RAB7A: variants seen among roughly 807,000 people sequenced by gnomAD.
RAB7A encodes the protein RAB7A, member RAS oncogene family.
Under a neutral mutation model 24.5 loss-of-function variants are expected in RAB7A, and 2 were observed. The ratio of observed to expected loss-of-function variants is 0.08; its 90% CI spans 0.03 to 0.26. RAB7A has a LOEUF of 0.26. Ranked by LOEUF, RAB7A falls within the 10% of genes least tolerant of loss-of-function variation. The pLI, the probability that RAB7A is intolerant of heterozygous loss-of-function variation, is 1.00. For missense variants in RAB7A, 118 were observed against 255.7 expected (o/e 0.46, Z 3.67); for synonymous variants, 100 against 95.9 (o/e 1.04, Z -0.25).
intron 1 of RAB7A, among the ~76,000 whole-genome samples, chr3:128,754,769 A>G (rs1357838234): frequency 6.6e-6 from 1 of 152,170 alleles, no homozygotes; most frequent in Non-Finnish European, 1.5e-5. Flanking sequence ...TATCAGACAA[A>G]ATATACTTTA....
chr3:128,768,725 A>ATTT (rs34053060), intron 1 of RAB7A, among the ~76,000 whole-genome samples: 3 of 137,268 alleles, frequency 2.2e-5, no homozygotes, highest in Non-Finnish European at 4.8e-5. Flanking sequence ...CACCTGGCTA[A>ATTT]TTTTTTTTTT....
chr3:128,795,469 T>G (rs752547155), intron 2 of RAB7A, 49 bp downstream of exon 2: 2 of 1,504,782 alleles, frequency 1.3e-6, no homozygotes, highest in South Asian at 1.1e-5. Context: ...GAGCTAAGCC[T>G]CTCTGCTGTG....
chr3:128,745,219 C>T (rs753382626), intron 1 of RAB7A, among the ~76,000 whole-genome samples: 2 of 152,074 alleles, frequency 1.3e-5, no homozygotes, highest in African/African-American at 4.8e-5. Flanking sequence ...TCAAGTACTG[C>T]GTGTCTACCT....
At chr3:128,805,116 CTTTT>C (rs1559797129) in intron 3 of RAB7A, among the ~76,000 whole-genome samples, 1 of 150,156 alleles carries the variant, frequency 6.7e-6, no homozygotes, top group Non-Finnish European at 1.5e-5. Flanking sequence ...GCCAAGTGTT[CTTTT>C]GTTTGTTTGT....
In RAB7A at chr3:128,792,817, TTTTATTTATTTATTTATTTATTTA is replaced by T. The variant is rs71618167; in HGVS notation, c.-8-2520_-8-2497del. Among the ~76,000 whole-genome samples, 327 of 137,502 alleles carry T rather than the reference TTTTATTTATTTATTTATTTATTTA, an allele frequency of 2.4e-3. 1 individual carries two copies. Among genetic ancestry groups the T allele is most frequent in the Non-Finnish European group, 3.9e-3 (247 of 63,920 alleles). 90.2% of individuals were successfully genotyped at this position (137,502 alleles called of 152,430 possible). On this transcript the variant is annotated intron_variant, in intron 1 of 5. Transcript: ENST00000265062. ...AATTACAGGCACCCACCGAGCTAAT[TTTTATTTATTTATTTATTTATTTA>T]TTTATTTATTTATTTATTTATTCAT...
At chr3:128,775,938 G>A (rs1478072837) in intron 1 of RAB7A, among the ~76,000 whole-genome samples, 1 of 151,984 alleles carries the variant, frequency 6.6e-6, no homozygotes, top group Non-Finnish European at 1.5e-5. Flanking sequence ...CAATTTTCAA[G>A]TATACAGTAC....
At chr3:128,789,516 A>G (rs994239501) in intron 1 of RAB7A, among the ~76,000 whole-genome samples, 3 of 151,700 alleles carry the variant, frequency 2.0e-5, no homozygotes, top group Non-Finnish European at 4.4e-5. Flanking sequence ...TATTTTCAGT[A>G]GAGATGGGTT....
intron 1 of RAB7A, among the ~76,000 whole-genome samples, chr3:128,776,910 G>C (rs1415752548): frequency 7.0e-6 from 1 of 142,694 alleles, no homozygotes; most frequent in African/African-American, 2.6e-5. Flanking sequence ...TCTCAGTGTG[G>C]CTTTAGTTTG....
At chr3:128,800,545 A>G (rs1320910406) in intron 3 of RAB7A, among the ~76,000 whole-genome samples, 1 of 152,206 alleles carries the variant, frequency 6.6e-6, no homozygotes, top group East Asian at 1.9e-4. Context: ...AAGAAGCCCA[A>G]ATTCCAGGAA....
At chr3:128,800,451 C>A (rs1405351615) in intron 3 of RAB7A, among the ~76,000 whole-genome samples, 1 of 152,148 alleles carries the variant, frequency 6.6e-6, no homozygotes, top group Non-Finnish European at 1.5e-5. Flanking sequence ...ACAGTCCCGT[C>A]TGTACTACTA....
At chr3:128,744,976 C>G (rs2070596389) in intron 1 of RAB7A, among the ~76,000 whole-genome samples, 1 of 151,274 alleles carries the variant, frequency 6.6e-6, no homozygotes, top group Admixed American at 6.6e-5. Context: ...TGGGTTCACA[C>G]CATTCTCCTG....
chr3:128,727,062 C>T (rs2070387829), intron 1 of RAB7A, among the ~76,000 whole-genome samples: 1 of 152,206 alleles, frequency 6.6e-6, no homozygotes, highest in South Asian at 2.1e-4. Flanking sequence ...TGTTTGGGGC[C>T]TCTTTCTGCA....
At chr3:128,763,749 T>C (rs1271697094) in intron 1 of RAB7A, among the ~76,000 whole-genome samples, 1 of 152,198 alleles carries the variant, frequency 6.6e-6, no homozygotes, top group East Asian at 1.9e-4. Flanking sequence ...ACCTTTCACC[T>C]ATGGTATCAC....
chr3:128,768,850 C>T (rs990390413), intron 1 of RAB7A, among the ~76,000 whole-genome samples: 2 of 151,742 alleles, frequency 1.3e-5, no homozygotes, highest in African/African-American at 2.4e-5. Flanking sequence ...TGAGACACTG[C>T]GCCCAGCCTA....
intron 3 of RAB7A, among the ~76,000 whole-genome samples, chr3:128,800,226 C>G (rs918516492): frequency 6.6e-6 from 1 of 152,190 alleles, no homozygotes; most frequent in Admixed American, 6.5e-5. Flanking sequence ...AACAGACTGA[C>G]AAATTCTCAA....
chr3:128,812,051 G>A lies in RAB7A; in HGVS notation c.529-1276G>A, dbSNP rs141267020. Among the ~76,000 whole-genome samples the A allele has an allele frequency of 2.0e-5, 3 of 152,254 alleles. No homozygotes were observed. The East Asian group carries it at 5.8e-4, about 29-fold the overall frequency. ...ATGGGCATAGGGTTTTTTGGGGGGT[G>A]ATGAGAGTATTTTAAACTTAATGTT... On this transcript the variant is annotated intron_variant, in intron 5 of 5. Transcript: ENST00000265062.
intron 1 of RAB7A, among the ~76,000 whole-genome samples, chr3:128,729,414 CA>C (rs966354098): frequency 5.9e-5 from 9 of 152,024 alleles, no homozygotes; most frequent in Non-Finnish European, 1.2e-4. Flanking sequence ...ACTAAAAATA[CA>C]AAAAATTAGC....
chr3:128,757,439 T>C (rs1350159829), intron 1 of RAB7A, among the ~76,000 whole-genome samples: 2 of 152,160 alleles, frequency 1.3e-5, no homozygotes, highest in Non-Finnish European at 2.9e-5. Context: ...AAAGCAAAGC[T>C]AGAAGTACAG....
intron 1 of RAB7A, among the ~76,000 whole-genome samples, chr3:128,771,242 A>G (rs575635062): frequency 2.6e-5 from 4 of 152,306 alleles, no homozygotes; most frequent in African/African-American, 7.2e-5. Context: ...AAGTGCTGGG[A>G]TTACAGGCGT....
Sources: allele counts gnomAD v4.1 joint callset (sites outside exome capture counted in the v4.1 genomes callset), GRCh38; gene constraint gnomAD v4.1.1; transcripts MANE v1.5; gene names NCBI Gene and HGNC (gene_info 2026-07-23, HGNC 2026-07-21).